CCN4: variants seen among roughly 807,000 people sequenced by gnomAD.
CCN4 encodes the protein CCN family member 4.
In CCN4, 30 loss-of-function variants were observed where a neutral mutation model predicts 36.7. The ratio of observed to expected loss-of-function variants is 0.82; its 90% CI spans 0.61 to 1.11. The LOEUF (loss-of-function observed/expected upper bound fraction) is 1.11. Among genes scored for constraint, CCN4 ranks in the 50% least tolerant of loss-of-function variants. The pLI, the probability that CCN4 is intolerant of heterozygous loss-of-function variation, is 0.00. For missense variants in CCN4, 505 were observed against 504.9 expected, an observed-to-expected ratio of 1.00 and a Z score of 0.00; for synonymous variants, 191 against 195.4, an observed-to-expected ratio of 0.98 and a Z score of 0.19.
chr8:133,206,284 C>A (rs1192598899), intron 1 of CCN4, among the ~76,000 whole-genome samples: 1 of 152,196 alleles, frequency 6.6e-6, no homozygotes, highest in Admixed American at 6.5e-5. Flanking sequence ...CCAGTGACTC[C>A]CCATCATGAC....
Position 133,227,762 on chromosome 8 carries a change from C to T in CCN4, c.*52C>T, listed in dbSNP as rs1371464793. 1 of 1,569,042 alleles carries T rather than the reference C, an allele frequency of 6.4e-7. No homozygotes were observed. Among genetic ancestry groups the T allele is most frequent in the East Asian group, 2.2e-5 (1 of 44,576 alleles). Reference sequence around the variant, plus strand: ...ACTAACCCAATGCCTGTGAAGCAGTCAGCCCTTATGGCCAATAACTTTTCA... The same window carrying T: ...ACTAACCCAATGCCTGTGAAGCAGTTAGCCCTTATGGCCAATAACTTTTCA... On this transcript the variant is annotated 3_prime_UTR_variant, in exon 5 of 5. Transcript: ENST00000250160.
intron 1 of CCN4, among the ~76,000 whole-genome samples, chr8:133,194,352 G>GT (rs1481544450): frequency 9.1e-6 from 1 of 110,420 alleles, no homozygotes; most frequent in Non-Finnish European, 1.9e-5. Flanking sequence ...GTGGGGGGGT[G>GT]GTGGTGTGTG....
chr8:133,226,161 T>C (rs890109852), intron 4 of CCN4, among the ~76,000 whole-genome samples: 32 of 152,348 alleles, frequency 2.1e-4, no homozygotes, highest in African/African-American at 6.7e-4. Flanking sequence ...AGCCCCAGTC[T>C]CAGAGTTAAA....
chr8:133,224,232 T>TCC lies in CCN4; in HGVS notation c.611-1158_611-1157insCC, dbSNP rs1854642709. On this transcript the variant is annotated intron_variant, in intron 3 of 4. Transcript: ENST00000250160. ...TTGAATTTGAAGCCCGTAAGTCCTT[T>TCC]TTTTTTTTTTTTTTTTTTTTTTTTT... is the stretch of plus-strand genomic sequence containing the variant. Among the ~76,000 whole-genome samples, 7 of 13,050 alleles carry TCC rather than the reference T, an allele frequency of 5.4e-4. 3 individuals are homozygous for TCC. Among genetic ancestry groups the TCC allele is most frequent in the African/African-American group, 2.3e-3 (6 of 2,662 alleles). 8.6% of individuals were successfully genotyped at this position (13,050 alleles called of 152,430 possible).
chr8:133,194,626 T>G (rs1426145208), intron 1 of CCN4, among the ~76,000 whole-genome samples: 1 of 87,852 alleles, frequency 1.1e-5, no homozygotes, highest in African/African-American at 4.7e-5. Context: ...GTAGTGTGTG[T>G]GGGGTGTGTG....
intron 3 of CCN4, 120 bp downstream of exon 3, chr8:133,220,961 C>G: frequency 7.3e-7 from 1 of 1,368,034 alleles, no homozygotes. Flanking sequence ...AGCTTTGTGA[C>G]CTTGAGAAAG....
At chr8:133,213,732 A>G (rs1023201237) in intron 2 of CCN4, among the ~76,000 whole-genome samples, 3 of 147,602 alleles carry the variant, frequency 2.0e-5, no homozygotes, top group Non-Finnish European at 4.5e-5. Context: ...AATATAATAT[A>G]AAGATAATAT....
rs759326216 is a variant in CCN4 at position 133,227,646 on chromosome 8, G to C, written c.1040G>C (p.Arg347Thr). Residue 347 changes from arginine to threonine, a missense_variant, in exon 5 of 5, where the codon AGG becomes ACG. By Grantham distance (71) the Arg-to-Thr change is moderately conservative. Transcript: ENST00000250160. ...INACFCNLSC[R>T]NPNDIFADLE... ...GCCTGCTTCTGTAACCTGAGCTGTAGGAATCCCAATGACATCTTTGCTGAC... is the reference window on the plus strand; with the variant it reads ...GCCTGCTTCTGTAACCTGAGCTGTACGAATCCCAATGACATCTTTGCTGAC... The C allele has an allele frequency of 2.5e-6, 4 of 1,614,028 alleles. No homozygotes were observed. In the East Asian group the frequency reaches 6.7e-5, roughly 27 times the overall value.
chr8:133,206,703 G>A (rs1369768975), intron 1 of CCN4, among the ~76,000 whole-genome samples: 1 of 152,150 alleles, frequency 6.6e-6, no homozygotes, highest in Admixed American at 6.5e-5. Context: ...CTCAGGGGAT[G>A]AGCTGCCTCA....
In CCN4 at chr8:133,229,098, T is replaced by C. The variant is rs1229294264; in HGVS notation, c.*1388T>C. On this transcript the variant is annotated 3_prime_UTR_variant, in exon 5 of 5. Transcript: ENST00000250160. ...GCTTTGCATGTATTAGCTCACTGAA[T>C]CTTCACGACAATGTTGAGAAGTTCC... The C allele has an allele frequency of 6.6e-6, 1 of 152,230 alleles. No homozygotes were observed. Among genetic ancestry groups the C allele is most frequent in the Non-Finnish European group, 1.5e-5 (1 of 68,044 alleles). 9.4% of individuals were successfully genotyped at this position (152,230 alleles called of 1,614,324 possible). A position where few individuals can be genotyped will look rare whatever the true frequency, so the allele number is the denominator to read the frequency against.
At chr8:133,223,397 C>T (rs1311166424) in intron 3 of CCN4, among the ~76,000 whole-genome samples, 3 of 152,156 alleles carry the variant, frequency 2.0e-5, no homozygotes. Flanking sequence ...GTCAGCCCTG[C>T]CCCTCCTGTC....
intron 2 of CCN4, among the ~76,000 whole-genome samples, chr8:133,214,587 T>C (rs1854249332): frequency 6.6e-6 from 1 of 152,180 alleles, no homozygotes; most frequent in Non-Finnish European, 1.5e-5. Context: ...TATCCTTTTT[T>C]GTTCCAAGAC....
chr8:133,223,887 T>C (rs1854624839), intron 3 of CCN4, among the ~76,000 whole-genome samples: 1 of 152,204 alleles, frequency 6.6e-6, no homozygotes, highest in Non-Finnish European at 1.5e-5. Flanking sequence ...GTTTTTCAGA[T>C]AGTTAGAGAG....
rs938784743 is a variant in CCN4, at chr8:133,228,867, T to A, written c.*1157T>A. The A allele has an allele frequency of 1.3e-5, 2 of 152,142 alleles. No homozygotes were observed. Among genetic ancestry groups the A allele is most frequent in the African/African-American group, 4.8e-5 (2 of 41,428 alleles). 9.4% of individuals were successfully genotyped at this position (152,142 alleles called of 1,614,324 possible). On this transcript the variant is annotated 3_prime_UTR_variant, in exon 5 of 5. Coordinates refer to ENST00000250160, the MANE Select transcript of CCN4 (RefSeq NM_003882.4). ...TCGTTCTGCTGACCAAATGGCCAGT[T>A]TTCTGGTAGGAAGATGGAGGTTTAC...
rs903494103 is a variant in CCN4, at chr8:133,229,721, A to C, written c.*2011A>C. On this transcript the variant is annotated 3_prime_UTR_variant, in exon 5 of 5. Coordinates refer to ENST00000250160, the MANE Select transcript of CCN4 (RefSeq NM_003882.4). ...AAGCTGTGCATGTGTTCCTACTTTT[A>C]TTCGAAGCTCTCTTCTTCCAAAGCT... 1 of 152,258 alleles carries C rather than the reference A, an allele frequency of 6.6e-6. No individual in the cohort carries two copies. Among genetic ancestry groups the C allele is most frequent in the African/African-American group, 2.4e-5 (1 of 41,470 alleles). 9.4% of individuals were successfully genotyped at this position (152,258 alleles called of 1,614,324 possible).
chr8:133,214,003 AC>A (rs369785624), intron 2 of CCN4, among the ~76,000 whole-genome samples: 21 of 5,476 alleles, frequency 3.8e-3, no homozygotes, highest in South Asian at 0.011. Flanking sequence ...TACTATATAT[AC>A]ACTATATATA....
intron 1 of CCN4, among the ~76,000 whole-genome samples, chr8:133,193,300 G>A (rs750055823): frequency 5.3e-5 from 8 of 152,210 alleles, no homozygotes; most frequent in Non-Finnish European, 8.8e-5. Flanking sequence ...AAAACTTTGA[G>A]GAAGTAGAGT....
rs58105917 is a variant in CCN4 at position 133,217,936 on chromosome 8, C to CCACA, written c.350-2623_350-2620dup. ...TTCCGGGCTTAGCCCACTCCCTTCTCCACACACACACACACACACACACAC... is the reference window on the plus strand; with the variant it reads ...TTCCGGGCTTAGCCCACTCCCTTCTCCACACACACACACACACACACACACACAC... On this transcript the variant is annotated intron_variant, in intron 2 of 4. Coordinates refer to ENST00000250160, the MANE Select transcript of CCN4 (RefSeq NM_003882.4). Among the ~76,000 whole-genome samples the CCACA allele has an allele frequency of 7.3e-3, 1,051 of 144,520 alleles. 12 individuals carry two copies. Among genetic ancestry groups the CCACA allele is most frequent in the African/African-American group, 0.026 (986 of 37,492 alleles). The allele number at this position is 144,520 out of a possible 152,430, so 94.8% of individuals were successfully genotyped here.
chr8:133,220,038 A>T (rs1188916264), intron 2 of CCN4, among the ~76,000 whole-genome samples: 1 of 150,994 alleles, frequency 6.6e-6, no homozygotes, highest in Non-Finnish European at 1.5e-5. Context: ...TCTCCCAGAC[A>T]CTTGTAACTG....
Sources: gnomAD v4.1 joint callset for allele counts (sites outside exome capture counted in the v4.1 genomes callset) on GRCh38, gnomAD v4.1.1 for gene constraint, MANE v1.5 for transcripts, NCBI Gene and HGNC (gene_info 2026-07-23, HGNC 2026-07-21) for gene names.